GRHL2: variants seen among roughly 807,000 people sequenced by gnomAD.
GRHL2 encodes grainyhead-like protein 2 homolog.
In GRHL2, 21 loss-of-function variants were observed where a neutral mutation model predicts 83.8. The ratio of observed to expected loss-of-function variants is 0.25; its 90% confidence interval spans 0.18 to 0.36. The LOEUF (loss-of-function observed/expected upper bound fraction) is 0.36. GRHL2 is among the 10% of genes least tolerant of loss of function. GRHL2 has a pLI of 1.00. For missense variants in GRHL2, 623 were observed against 781.8 expected (o/e 0.80, Z 2.42); for synonymous variants, 280 against 278.9 (o/e 1.00, Z -0.04).
At chr8:101,524,088 T>G (rs76137795) in intron 1 of GRHL2, among the ~76,000 whole-genome samples, 6,872 of 152,250 alleles carry the variant, frequency 0.045, 520 homozygotes, top group African/African-American at 0.15. Context: ...AAAATCACTG[T>G]TTTTCTCTTT....
chr8:101,559,049 G>T (rs1471195048), intron 4 of GRHL2, among the ~76,000 whole-genome samples: 1 of 152,044 alleles, frequency 6.6e-6, no homozygotes, highest in Middle Eastern at 3.2e-3. Flanking sequence ...TTAGATGATG[G>T]ATTTCTTTGT....
intron 1 of GRHL2, among the ~76,000 whole-genome samples, chr8:101,501,648 G>A (rs2129972433): frequency 6.6e-6 from 1 of 152,276 alleles, no homozygotes; most frequent in South Asian, 2.1e-4. Context: ...TGGCCTCCTA[G>A]ATAATTGGTT....
chr8:101,607,890 A>G (rs1812663351), intron 8 of GRHL2, among the ~76,000 whole-genome samples: 1 of 152,240 alleles, frequency 6.6e-6, no homozygotes, highest in Non-Finnish European at 1.5e-5. Flanking sequence ...AAAAGGAATA[A>G]TCTTTGGAAG....
intron 1 of GRHL2, among the ~76,000 whole-genome samples, chr8:101,508,540 G>A (rs111838256): frequency 0.014 from 2,087 of 152,224 alleles, 14 homozygotes; most frequent in Middle Eastern, 0.071. Context: ...TTAGCAGAGT[G>A]TGGAGCCATG....
rs564525333 is a variant in GRHL2, at chr8:101,653,742, A to C, written c.1698+4243A>C. Among the ~76,000 whole-genome samples the C allele has an allele frequency of 2.1e-4, 26 of 123,126 alleles. No homozygotes were observed. In the East Asian group the frequency reaches 3.1e-3, roughly 14 times the overall value. 80.8% of individuals were successfully genotyped at this position (123,126 alleles called of 152,430 possible). A position where few individuals can be genotyped will look rare whatever the true frequency, so the allele number is the denominator to read the frequency against. ...GGGAGAGAGTGACTCTGTCTCAAAA[A>C]AAAAACAAAAACAAAAACAAAGATG... is the stretch of plus-strand genomic sequence containing the variant. On this transcript the variant is annotated intron_variant, in intron 14 of 15. Transcript: ENST00000646743.
intron 1 of GRHL2, among the ~76,000 whole-genome samples, chr8:101,500,707 C>T (rs998678591): frequency 4.6e-5 from 7 of 152,092 alleles, no homozygotes; most frequent in East Asian, 1.9e-4. Flanking sequence ...GACGGAGTTT[C>T]GCCATTTTGG....
intron 3 of GRHL2, among the ~76,000 whole-genome samples, chr8:101,553,072 G>T (rs1216492007): frequency 6.6e-6 from 1 of 152,196 alleles, no homozygotes; most frequent in African/African-American, 2.4e-5. Flanking sequence ...CCATTGCTGG[G>T]ATTAACTTTT....
chr8:101,549,479 A>T, intron 2 of GRHL2, among the ~76,000 whole-genome samples: 1 of 152,150 alleles, frequency 6.6e-6, no homozygotes, highest in South Asian at 2.1e-4. Context: ...CAAGCAAGGG[A>T]CCCTGGAGGC....
intron 14 of GRHL2, among the ~76,000 whole-genome samples, chr8:101,653,058 A>T (rs1378490286): frequency 6.6e-6 from 1 of 152,210 alleles, no homozygotes; most frequent in Non-Finnish European, 1.5e-5. Flanking sequence ...TCTGCATCCG[A>T]AACTCCGAAG....
At chr8:101,585,772 T>C (rs1034974668) in intron 7 of GRHL2, among the ~76,000 whole-genome samples, 3 of 152,256 alleles carry the variant, frequency 2.0e-5, no homozygotes, top group African/African-American at 7.2e-5. Context: ...GCAAGTGTTC[T>C]CTAAAGTTTA....
At chr8:101,531,192 T>C (rs1013933610) in intron 1 of GRHL2, among the ~76,000 whole-genome samples, 10 of 146,854 alleles carry the variant, frequency 6.8e-5, no homozygotes, top group African/African-American at 2.6e-4. Flanking sequence ...TCTAGCCTTC[T>C]AGCCTGGAGG....
chr8:101,663,837 T>C (rs1261468325), intron 14 of GRHL2, among the ~76,000 whole-genome samples: 3 of 152,040 alleles, frequency 2.0e-5, no homozygotes, highest in African/African-American at 7.2e-5. Flanking sequence ...TTAAGGAAGT[T>C]AGTTCCATGT....
chr8:101,672,375 G>A (rs1400552965), downstream of GRHL2, among the ~76,000 whole-genome samples: 1 of 151,770 alleles, frequency 6.6e-6, no homozygotes, highest in African/African-American at 2.4e-5. Context: ...TGATGGAGCT[G>A]AAAGCCAAGG....
At chr8:101,526,118 A>G (rs1810798382) in intron 1 of GRHL2, among the ~76,000 whole-genome samples, 1 of 152,224 alleles carries the variant, frequency 6.6e-6, no homozygotes, top group Non-Finnish European at 1.5e-5. Context: ...CTATTACAAA[A>G]TGTTATTTTG....
the GRHL2 span, among the ~76,000 whole-genome samples, chr8:101,676,218 A>G: frequency 6.6e-6 from 1 of 152,040 alleles, no homozygotes; most frequent in Admixed American, 6.5e-5. Context: ...ATGGGATCTA[A>G]TGAAACTAAA....
In GRHL2 at chr8:101,506,642, G is replaced by A. The variant is rs115911914; in HGVS notation, c.20+13853G>A. Among the ~76,000 whole-genome samples, 105 of 151,834 alleles carry A rather than the reference G, an allele frequency of 6.9e-4. 1 individual carries two copies. Among genetic ancestry groups the A allele is most frequent in the Admixed American group, 2.5e-3 (38 of 15,264 alleles). On this transcript the variant is annotated intron_variant, in intron 1 of 15. Coordinates refer to ENST00000646743, the MANE Select transcript of GRHL2 (RefSeq NM_024915.4). ...TTTATATGTAAAGGTTTTTATCTCC[G>A]GTTATTACTGTAGAATAGATTTCTG...
intron 15 of GRHL2, among the ~76,000 whole-genome samples, chr8:101,666,283 G>A (rs1282689534): frequency 5.9e-5 from 9 of 152,166 alleles, no homozygotes; most frequent in Admixed American, 1.3e-4. Flanking sequence ...TTCTGGCCCT[G>A]GTAATCAGTA....
chr8:101,640,145 G>C (rs556486518), intron 12 of GRHL2, among the ~76,000 whole-genome samples: 2 of 152,230 alleles, frequency 1.3e-5, no homozygotes, highest in African/African-American at 4.8e-5. Flanking sequence ...TATCATGCCA[G>C]TCAGCCACAA....
chr8:101,619,479 G>A, intron 8 of GRHL2, 60 bp from the exon 9 acceptor site: 1 of 1,475,210 alleles, frequency 6.8e-7, no homozygotes, highest in Non-Finnish European at 9.5e-7. Flanking sequence ...TAAAGTTTAT[G>A]CGTTTATTGT....
Sources: gnomAD v4.1 joint callset for allele counts (sites outside exome capture counted in the v4.1 genomes callset) on GRCh38, gnomAD v4.1.1 for gene constraint, MANE v1.5 for transcripts, NCBI Gene and HGNC (gene_info 2026-07-23, HGNC 2026-07-21) for gene names.